The following PIP5K1B variants were observed in gnomAD, a reference collection of about 807,000 sequenced individuals.
The protein encoded by PIP5K1B is phosphatidylinositol 4-phosphate 5-kinase type-1 beta.
Under a neutral mutation model 67.0 loss-of-function variants are expected in PIP5K1B, and 42 were observed. The observed-to-expected ratio is 0.63, with a 90% CI of 0.49 to 0.81. PIP5K1B has a LOEUF of 0.81. Among genes scored for constraint, PIP5K1B ranks in the 30% least tolerant of loss-of-function variants. The pLI is 0.00. For missense variants in PIP5K1B, 459 were observed against 646.3 expected (o/e 0.71, Z 3.14); for synonymous variants, 214 against 231.4 (o/e 0.92, Z 0.68).
intron 14 of PIP5K1B, among the ~76,000 whole-genome samples, chr9:68,990,777 C>T (rs1184132728): frequency 2.0e-5 from 3 of 151,866 alleles, no homozygotes; most frequent in Non-Finnish European, 4.4e-5. Context: ...GATTCTTCTG[C>T]CTCAGCCTCC....
intron 14 of PIP5K1B, among the ~76,000 whole-genome samples, chr9:68,990,822 C>A (rs1430802842): frequency 6.6e-6 from 1 of 151,784 alleles, no homozygotes; most frequent in Non-Finnish European, 1.5e-5. Flanking sequence ...CACCACCACA[C>A]CCAGCTAATT....
intron 2 of PIP5K1B, among the ~76,000 whole-genome samples, chr9:68,776,792 G>C (rs1240688619): frequency 6.6e-6 from 1 of 152,158 alleles, no homozygotes; most frequent in East Asian, 1.9e-4. Flanking sequence ...AAACCGGAAG[G>C]GGGAAATGAG....
At chr9:68,773,142 C>A (rs962472469) in intron 2 of PIP5K1B, among the ~76,000 whole-genome samples, 7 of 152,266 alleles carry the variant, frequency 4.6e-5, no homozygotes, top group Non-Finnish European at 7.4e-5. Context: ...ACCCACCCAG[C>A]TGAAAGATCC....
intron 1 of PIP5K1B, 188 bp from the exon 2 acceptor site, chr9:68,742,313 G>T (rs572289211): frequency 6.6e-6 from 1 of 152,274 alleles, no homozygotes; most frequent in East Asian, 1.9e-4. Flanking sequence ...GAGAGTTGTG[G>T]ACCAGTCAGA....
chr9:68,865,324 T>A (rs1411908254), intron 5 of PIP5K1B, among the ~76,000 whole-genome samples: 1 of 152,174 alleles, frequency 6.6e-6, no homozygotes, highest in Non-Finnish European at 1.5e-5. Flanking sequence ...GTATATTAAC[T>A]ACATGTTTTT....
At chr9:68,913,248 G>A (rs940824886) in intron 8 of PIP5K1B, among the ~76,000 whole-genome samples, 5 of 152,144 alleles carry the variant, frequency 3.3e-5, no homozygotes, top group Non-Finnish European at 7.4e-5. Context: ...AGAGCTAGAC[G>A]GAAAGGCACC....
At chr9:68,943,234 C>T (rs961272213) in intron 14 of PIP5K1B, among the ~76,000 whole-genome samples, 14 of 152,196 alleles carry the variant, frequency 9.2e-5, no homozygotes, top group Admixed American at 5.9e-4. Flanking sequence ...CCCCAGGTGA[C>T]CACCCTCTTC....
intron 7 of PIP5K1B, among the ~76,000 whole-genome samples, chr9:68,892,314 G>A (rs1026508311): frequency 5.3e-5 from 8 of 152,140 alleles, no homozygotes; most frequent in African/African-American, 1.9e-4. Context: ...TTGTAAGAAT[G>A]GAGAAAACAT....
intron 8 of PIP5K1B, among the ~76,000 whole-genome samples, chr9:68,904,769 T>A (rs1037637913): frequency 6.6e-6 from 1 of 150,430 alleles, no homozygotes; most frequent in African/African-American, 2.5e-5. Context: ...TTTTTTTTTT[T>A]AAACTCTCAC....
chr9:68,883,639 A>G (rs767467563), intron 6 of PIP5K1B, among the ~76,000 whole-genome samples: 2 of 151,830 alleles, frequency 1.3e-5, no homozygotes, highest in African/African-American at 4.8e-5. Context: ...AGGTTTTTCT[A>G]TGATAGGGAC....
intron 11 of PIP5K1B, among the ~76,000 whole-genome samples, chr9:68,920,480 AC>A (rs1472305509): frequency 7.2e-6 from 1 of 139,594 alleles, no homozygotes; most frequent in Non-Finnish European, 1.5e-5. Flanking sequence ...CAATTCTCTT[AC>A]CTCACCCTCC....
intron 6 of PIP5K1B, among the ~76,000 whole-genome samples, chr9:68,883,825 AACAC>A (rs59872442): frequency 2.0e-3 from 290 of 148,680 alleles, no homozygotes; most frequent in African/African-American, 5.2e-3. Context: ...CCCAGAAATA[AACAC>A]ACACACACAC....
intron 11 of PIP5K1B, among the ~76,000 whole-genome samples, chr9:68,922,013 A>G (rs1395935083): frequency 1.3e-5 from 2 of 152,230 alleles, no homozygotes; most frequent in African/African-American, 2.4e-5. Flanking sequence ...GCGAACAACA[A>G]TGTAACTTCT....
intron 5 of PIP5K1B, among the ~76,000 whole-genome samples, chr9:68,864,989 C>T (rs1156745572): frequency 6.6e-6 from 1 of 152,130 alleles, no homozygotes; most frequent in Non-Finnish European, 1.5e-5. Flanking sequence ...GTCTAGGTGT[C>T]AACTGCCTAA....
intron 2 of PIP5K1B, among the ~76,000 whole-genome samples, chr9:68,790,816 C>T (rs1831924122): frequency 6.6e-6 from 1 of 152,172 alleles, no homozygotes; most frequent in Non-Finnish European, 1.5e-5. Flanking sequence ...TTTGATTTTG[C>T]ATCAGCGGTT....
At chr9:68,993,111 G>A (rs1247759887) in intron 15 of PIP5K1B, among the ~76,000 whole-genome samples, 1 of 151,822 alleles carries the variant, frequency 6.6e-6, no homozygotes, top group Non-Finnish European at 1.5e-5. Flanking sequence ...GCGGTGAGCC[G>A]AGATCACGCC....
At chr9:68,873,204 T>A (rs1165093938) in intron 5 of PIP5K1B, among the ~76,000 whole-genome samples, 1 of 151,976 alleles carries the variant, frequency 6.6e-6, no homozygotes. Flanking sequence ...AAGCATCTTA[T>A]GTTTGAGTCA....
intron 13 of PIP5K1B, among the ~76,000 whole-genome samples, chr9:68,939,481 C>T (rs1174844333): frequency 2.6e-5 from 4 of 152,154 alleles, no homozygotes; most frequent in African/African-American, 9.7e-5. Context: ...AAGTTGGGAT[C>T]AAGAATATTG....
chr9:69,001,683 G>A (rs966908594), intron 15 of PIP5K1B, among the ~76,000 whole-genome samples: 24 of 152,108 alleles, frequency 1.6e-4, no homozygotes, highest in African/African-American at 5.8e-4. Context: ...CAACAGCAAG[G>A]GGGAAGTCTG....
Sources: gnomAD v4.1 joint callset for allele counts (sites outside exome capture counted in the v4.1 genomes callset) on GRCh38, gnomAD v4.1.1 for gene constraint, MANE v1.5 for transcripts, NCBI Gene and HGNC (gene_info 2026-07-23, HGNC 2026-07-21) for gene names.